The following FAT2 variants were observed in gnomAD, a reference collection of about 807,000 sequenced individuals.
The protein encoded by FAT2 is FAT atypical cadherin 2, also known as protocadherin Fat 2.
Under a neutral mutation model 295.3 loss-of-function variants are expected in FAT2, and 150 were observed. That is an observed-to-expected ratio of 0.51 (90% CI 0.44 to 0.58). The LOEUF is 0.58. Ranked by LOEUF, FAT2 falls within the 20% of genes least tolerant of loss-of-function variation. The pLI is 0.00. For synonymous variants in FAT2, 2,026 were observed against 2,150.3 expected (o/e 0.94, Z 1.60); for missense variants, 4,868 against 5,442.7 (o/e 0.89, Z 3.32).
intron 10 of FAT2, among the ~76,000 whole-genome samples, chr5:151,541,618 C>A (rs915103895): frequency 8.5e-5 from 13 of 152,218 alleles, no homozygotes; most frequent in Non-Finnish European, 1.5e-4. Context: ...AAGAAACTCT[C>A]TCATGGCCAC....
Position 151,534,641 on chromosome 5 carries a change from C to A in FAT2, c.9195G>T (p.Gly3065=), listed in dbSNP as rs1181687336. 1.2e-6 allele frequency: 2 copies of A among 1,603,248 alleles called. No homozygotes were observed. Among genetic ancestry groups the A allele is most frequent in the Non-Finnish European group, 1.7e-6 (2 of 1,170,918 alleles). ...AHEFKLDPHT[G]ELTTLTALDR... is the part of the protein sequence containing the mutation. ...CTAGGGCAGTGAGTGTGGTCAGCTC[C>A]CCTGGTCGGAGAAATGACAAAAGTT... The change falls in exon 13 of 24, where the codon GGG becomes GGT. Residue 3065 remains glycine (G), a splice_region_variant and synonymous_variant. Transcript: ENST00000261800.
In FAT2 at chr5:151,542,857, T is replaced by C; in HGVS notation, c.8270A>G (p.His2757Arg). Residue 2757 changes from histidine (H) to arginine (R), a missense_variant, in exon 10 of 24, where the codon CAC (histidine) becomes CGC (arginine). His to Arg is a conservative substitution (Grantham distance 29). Transcript: ENST00000261800. ...GVIKVRKPMD[H>R]ESTKLYQIDV... ...AATCTGGTACAATTTGGTGGATTCGTGGTCCATGGGCTTCCTCACCTTTAT... is the reference window on the plus strand; with the variant it reads ...AATCTGGTACAATTTGGTGGATTCGCGGTCCATGGGCTTCCTCACCTTTAT... 2 of 1,614,180 alleles carry C rather than the reference T, an allele frequency of 1.2e-6. No homozygotes were observed. The highest frequency in any genetic ancestry group is 1.7e-6 in the Non-Finnish European group (2 of 1,180,030).
upstream of FAT2, among the ~76,000 whole-genome samples, chr5:151,592,922 G>A (rs1223027940): frequency 6.6e-6 from 1 of 152,224 alleles, no homozygotes; most frequent in Non-Finnish European, 1.5e-5. Context: ...TGTTTATGCA[G>A]CTGCTGCAGC....
In FAT2 at chr5:151,550,847, T is replaced by C. The variant is rs1372639727; in HGVS notation, c.4321A>G (p.Ile1441Val). 3 of 1,613,268 alleles carry C rather than the reference T, an allele frequency of 1.9e-6. No homozygotes were observed. The highest frequency in any genetic ancestry group is 2.5e-6 in the Non-Finnish European group (3 of 1,179,984). Residue 1441 changes from isoleucine to valine, a missense_variant, in exon 8 of 24, where the codon ATT (isoleucine) becomes GTT (valine). Physicochemically the swap from Ile to Val is conservative, Grantham distance 29. Coordinates refer to ENST00000261800, the MANE Select transcript of FAT2 (RefSeq NM_001447.3). ...TQVHIFMIANINHHRPQFLET... is the reference protein window; with the variant it reads ...TQVHIFMIANVNHHRPQFLET... Reference sequence around the variant, plus strand: ...AGAAACTGGGGCCGATGGTGGTTAATGTTGGCAATCATGAAGATGTGGACC... The same window carrying C: ...AGAAACTGGGGCCGATGGTGGTTAACGTTGGCAATCATGAAGATGTGGACC...
At chr5:151,562,388 A>G (rs1480587651) in intron 3 of FAT2, among the ~76,000 whole-genome samples, 1 of 152,148 alleles carries the variant, frequency 6.6e-6, no homozygotes, top group Non-Finnish European at 1.5e-5. Flanking sequence ...TCCTCCCCCA[A>G]GAGGAAGATG....
intron 12 of FAT2, 62 bp from the exon 13 acceptor site, chr5:151,534,704 C>G (rs1018278346): frequency 3.5e-5 from 49 of 1,414,138 alleles, no homozygotes; most frequent in Middle Eastern, 1.8e-4. Context: ...AGCATGTGCC[C>G]TCTATATATC....
chr5:151,553,285 C>T lies in FAT2; in HGVS notation c.4048G>A (p.Asp1350Asn), dbSNP rs768494423. The change falls in exon 6 of 24, where the codon GAT becomes AAT. Residue 1350 changes from aspartate (D) to asparagine (N), a missense_variant. By Grantham distance (23) the Asp-to-Asn change is conservative. Coordinates refer to ENST00000261800, the MANE Select transcript of FAT2 (RefSeq NM_001447.3). ...PRPSSIPLAF[D>N]ETYYSFTVME... The stretch of plus-strand genomic sequence containing the variant: ...ACCGTAAAGCTGTAGTAGGTCTCAT[C>T]AAAGGCCAGAGGGATGGAGGACGGC... 6.2e-7 allele frequency: 1 copy of T among 1,614,242 alleles called. No homozygotes were observed. Among genetic ancestry groups the T allele is most frequent in the Non-Finnish European group, 8.5e-7 (1 of 1,180,042 alleles).
At position 151,581,984 on chromosome 5, in the gene FAT2, C is replaced by A. The variant is rs1317294895; in HGVS notation, c.-21+9181G>T. On this transcript the variant is annotated intron_variant, in intron 1 of 23. Transcript: ENST00000261800. ...GCCCAGCCATCTGTCTGTCCTCTCC[C>A]CTCTGAGTAGAACAGCTTAGGACAA... is the stretch of plus-strand genomic sequence containing the variant. Among the ~76,000 whole-genome samples the A allele has an allele frequency of 2.6e-5, 4 of 152,206 alleles. No homozygotes were observed. In the East Asian group the frequency reaches 7.7e-4, roughly 29 times the overall value.
intron 20 of FAT2, among the ~76,000 whole-genome samples, chr5:151,515,780 C>T (rs558801092): frequency 6.6e-6 from 1 of 152,234 alleles, no homozygotes; most frequent in Non-Finnish European, 1.5e-5. Context: ...GGCCTCCTGA[C>T]TGGGTCTCTC....
chr5:151,529,141 T>A (rs1256781954), intron 15 of FAT2, 37 bp downstream of exon 15: 1 of 1,588,162 alleles, frequency 6.3e-7, no homozygotes, highest in East Asian at 2.2e-5. Flanking sequence ...CATCCCAGAG[T>A]TCTTGTCCCA....
chr5:151,536,547 G>A (rs1035535890), intron 12 of FAT2, among the ~76,000 whole-genome samples: 1 of 152,062 alleles, frequency 6.6e-6, no homozygotes, highest in Non-Finnish European at 1.5e-5. Flanking sequence ...TCCTAGGTGG[G>A]CTGCTCTTCC....
rs774984552 is a variant in FAT2, at chr5:151,566,152, G to C, written c.2780C>G (p.Thr927Arg). 4 of 1,614,062 alleles carry C rather than the reference G, an allele frequency of 2.5e-6. No homozygotes were observed. In the African/African-American group the frequency reaches 5.3e-5, roughly 22 times the overall value. ...TGGAACCTTCAGCCTGTTGTGTTCT[G>C]TGATGCACTGGGGAGAGTTGTCGTT... Reference protein sequence around the residue: ...DVNDNSPQCITEHNRLKVPED... With the variant: ...DVNDNSPQCIREHNRLKVPED... The change falls in exon 2 of 24, where the codon ACA (threonine) becomes AGA (arginine). Residue 927 changes from threonine to arginine, a missense_variant. Physicochemically the swap from Thr to Arg is moderately conservative, Grantham distance 71. This residue lies in a region of FAT2 where 3,297 missense variants were observed against 3,669.4 expected (regional missense o/e 0.90). Transcript: ENST00000261800.
rs946040972 is a variant in FAT2, at chr5:151,521,128, C to T, written c.11317+148G>A. The stretch of plus-strand genomic sequence containing the variant: ...TCCATAACTAGATTTTGTGAGGCCA[C>T]TAGCCGTCTTATGGTGATTGGTGGC... On this transcript the variant is annotated intron_variant, in intron 19 of 23. Coordinates refer to ENST00000261800, the MANE Select transcript of FAT2 (RefSeq NM_001447.3). 15 of 740,672 alleles carry T rather than the reference C, an allele frequency of 2.0e-5. No individual in the cohort carries two copies. The African/African-American group carries it at 2.5e-4, about 12-fold the overall frequency. 45.9% of individuals were successfully genotyped at this position (740,672 alleles called of 1,614,324 possible). A position where few individuals can be genotyped will look rare whatever the true frequency, so the allele number is the denominator to read the frequency against.
At chr5:151,507,081 A>G in intron 23 of FAT2, 73 bp downstream of exon 23, 1 of 1,346,168 alleles carries the variant, frequency 7.4e-7, no homozygotes, top group Non-Finnish European at 1.0e-6. Context: ...CCTGTGCCTC[A>G]GATAACGGAG....
In FAT2 at chr5:151,529,254, T is replaced by C; in HGVS notation, c.9950A>G (p.His3317Arg). The C allele has an allele frequency of 6.2e-7, 1 of 1,614,136 alleles. No homozygotes were observed. The highest frequency in any genetic ancestry group is 8.5e-7 in the Non-Finnish European group (1 of 1,180,012). The change falls in exon 15 of 24, where the codon CAC becomes CGC. Residue 3317 changes from histidine (H) to arginine (R), a missense_variant. Transcript: ENST00000261800. ...TGGATCTTGGGGGAATTGGGGCCGG[T>C]GTTCATTGACATCAGTGATGTTGAC... is the stretch of plus-strand genomic sequence containing the variant. ...VMVNITDVNE[H>R]RPQFPQDPYS...
chr5:151,516,534 A>T (rs539302099), intron 20 of FAT2, among the ~76,000 whole-genome samples: 2 of 152,002 alleles, frequency 1.3e-5, no homozygotes, highest in African/African-American at 4.8e-5. Context: ...AATAAATAAA[A>T]ATTGCAACTC....
rs185092433 is a variant in FAT2 at position 151,549,887 on chromosome 5, T to G, written c.4579-382A>C. Among the ~76,000 whole-genome samples the G allele has an allele frequency of 2.9e-3, 447 of 152,328 alleles. 3 individuals carry two copies. The highest frequency in any genetic ancestry group is 0.017 in the Middle Eastern group (5 of 294). On this transcript the variant is annotated intron_variant, in intron 8 of 23. Coordinates refer to ENST00000261800, the MANE Select transcript of FAT2 (RefSeq NM_001447.3). ...ACTGAATTAAATGCAGTCAAACAGTTTTCTTTGTTGCAGGACTTCTCAGAG... is the reference window on the plus strand; with the variant it reads ...ACTGAATTAAATGCAGTCAAACAGTGTTCTTTGTTGCAGGACTTCTCAGAG...
chr5:151,561,297 G>A (rs1173432182), intron 3 of FAT2, among the ~76,000 whole-genome samples: 1 of 152,212 alleles, frequency 6.6e-6, no homozygotes, highest in African/African-American at 2.4e-5. Flanking sequence ...ACATGGGGAG[G>A]GGCAGCAGGA....
intron 23 of FAT2, 62 bp from the exon 24 acceptor site, chr5:151,506,159 T>G: frequency 3.4e-6 from 5 of 1,476,422 alleles, no homozygotes; most frequent in Non-Finnish European, 4.5e-6. Context: ...CAGCTGGCTC[T>G]ATAGCAACTA....
Sources: gnomAD v4.1 joint callset for allele counts (sites outside exome capture counted in the v4.1 genomes callset) on GRCh38, gnomAD v4.1.1 for gene constraint, gnomAD v4.1.1 regional missense constraint, MANE v1.5 for transcripts, NCBI Gene and HGNC (gene_info 2026-07-23, HGNC 2026-07-21) for gene names.